Variants in EEFSEC observed in about 807,000 individuals in gnomAD.
EEFSEC encodes selenocysteine-specific elongation factor.
In EEFSEC, 43 loss-of-function variants were observed where a neutral mutation model predicts 42.1. That is an observed-to-expected ratio of 1.02 (90% CI 0.80 to 1.32). The LOEUF is 1.32. EEFSEC is among the 40% of genes most tolerant of loss of function. The pLI is 0.00. For synonymous variants in EEFSEC, 354 were observed against 339.1 expected (o/e 1.04, Z -0.48); for missense variants, 745 against 803.6 (o/e 0.93, Z 0.88).
At chr3:128,364,827 C>T (rs2067569828) in intron 6 of EEFSEC, among the ~76,000 whole-genome samples, 1 of 152,262 alleles carries the variant, frequency 6.6e-6, no homozygotes, top group Non-Finnish European at 1.5e-5. Flanking sequence ...TAGCCCTCCA[C>T]AGCCTGCATG....
intron 5 of EEFSEC, among the ~76,000 whole-genome samples, chr3:128,351,356 TATC>T (rs1423483701): frequency 2.0e-5 from 3 of 152,234 alleles, no homozygotes; most frequent in South Asian, 2.1e-4. Flanking sequence ...TCTTAGGTGT[TATC>T]ATCAACATCA....
At chr3:128,300,322 G>T (rs192571464) in intron 4 of EEFSEC, among the ~76,000 whole-genome samples, 31 of 152,292 alleles carry the variant, frequency 2.0e-4, no homozygotes, top group Admixed American at 1.5e-3. Context: ...AGCCAATGCG[G>T]GCCAGGCGAG....
At chr3:128,360,013 C>T (rs1269652168) in intron 6 of EEFSEC, among the ~76,000 whole-genome samples, 1 of 152,238 alleles carries the variant, frequency 6.6e-6, no homozygotes, top group African/African-American at 2.4e-5. Context: ...GCAATGGTCA[C>T]AGAGGCATTG....
At chr3:128,354,018 C>T (rs1277526387) in intron 5 of EEFSEC, among the ~76,000 whole-genome samples, 1 of 152,122 alleles carries the variant, frequency 6.6e-6, no homozygotes, top group East Asian at 1.9e-4. Context: ...CCTCCCCTCC[C>T]CTGGGGCAGC....
At chr3:128,201,196 T>TA (rs1044235372) in intron 1 of EEFSEC, among the ~76,000 whole-genome samples, 3 of 152,128 alleles carry the variant, frequency 2.0e-5, no homozygotes, top group Admixed American at 6.5e-5. Flanking sequence ...ACTACCATAA[T>TA]AAAAAAAGTG....
rs1045782166 is a variant in EEFSEC at position 128,177,247 on chromosome 3, T to TA, written c.316+23431dup. 1.1e-4 allele frequency among the ~76,000 whole-genome samples: 17 copies of TA among 152,048 alleles called. No individual in the cohort carries two copies. In the South Asian group the frequency reaches 1.7e-3, roughly 15 times the overall value. ...TTGATTCCTTATCTTAAAACCAAGA[T>TA]AAAAAAAGCCTTAATAGCTTAATAT... On this transcript the variant is annotated intron_variant, in intron 1 of 6. Transcript: ENST00000254730.
At chr3:128,288,551 A>C (rs2066610237) in intron 4 of EEFSEC, among the ~76,000 whole-genome samples, 1 of 152,194 alleles carries the variant, frequency 6.6e-6, no homozygotes, top group African/African-American at 2.4e-5. Flanking sequence ...CTTGTTGAAC[A>C]AATGTGCACC....
chr3:128,191,435 G>A (rs116287485), intron 1 of EEFSEC, among the ~76,000 whole-genome samples: 1,701 of 152,064 alleles, frequency 0.011, 23 homozygotes, highest in African/African-American at 0.039. Context: ...TCAGCTCACT[G>A]TGCCTGGCCT....
chr3:128,380,248 G>A (rs1397407823), intron 6 of EEFSEC, among the ~76,000 whole-genome samples: 1 of 152,176 alleles, frequency 6.6e-6, no homozygotes, highest in Non-Finnish European at 1.5e-5. Flanking sequence ...CACACCTGAG[G>A]CTTTTATATC....
In EEFSEC at chr3:128,167,648, G is replaced by A. The variant is rs138010727; in HGVS notation, c.316+13825G>A. ...CACAGAGGGTCAGCACACTAATGCC[G>A]GGAACACGGCGACCTCAGTGCAGCT... On this transcript the variant is annotated intron_variant, in intron 1 of 6. Coordinates refer to ENST00000254730, the MANE Select transcript of EEFSEC (RefSeq NM_021937.5). Among the ~76,000 whole-genome samples, 15 of 152,308 alleles carry A rather than the reference G, an allele frequency of 9.8e-5. No homozygotes were observed. The East Asian group carries it at 1.4e-3, about 14-fold the overall frequency.
intron 1 of EEFSEC, among the ~76,000 whole-genome samples, chr3:128,235,209 T>G (rs2065995705): frequency 2.7e-5 from 4 of 150,516 alleles, no homozygotes; most frequent in Admixed American, 6.7e-5. Context: ...GGACCACAGG[T>G]GCACACCACC....
chr3:128,276,914 C>A (rs181894636), intron 4 of EEFSEC, among the ~76,000 whole-genome samples: 1 of 152,174 alleles, frequency 6.6e-6, no homozygotes, highest in African/African-American at 2.4e-5. Flanking sequence ...GAAGGGGAGA[C>A]GCTGTGGGAC....
intron 1 of EEFSEC, among the ~76,000 whole-genome samples, chr3:128,209,538 C>T (rs757422998): frequency 5.9e-5 from 9 of 152,204 alleles, no homozygotes; most frequent in Admixed American, 1.3e-4. Context: ...ATCTTCACAT[C>T]TCTCTTACAG....
rs904813883 is a variant in EEFSEC, at chr3:128,363,703, C to G, written c.1600+5330C>G. Among the ~76,000 whole-genome samples the G allele has an allele frequency of 5.3e-5, 8 of 152,136 alleles. No homozygotes were observed. In the East Asian group the frequency reaches 1.5e-3, roughly 29 times the overall value. Reference sequence around the variant, plus strand: ...ACTCTGAATTATGCCCATCAGTGTGCCATGCAGAAGGGGATGGATTTACAT... The same window carrying G: ...ACTCTGAATTATGCCCATCAGTGTGGCATGCAGAAGGGGATGGATTTACAT... On this transcript the variant is annotated intron_variant, in intron 6 of 6. Coordinates refer to ENST00000254730, the MANE Select transcript of EEFSEC (RefSeq NM_021937.5).
At chr3:128,360,866 TG>T (rs1161664482) in intron 6 of EEFSEC, among the ~76,000 whole-genome samples, 1 of 152,128 alleles carries the variant, frequency 6.6e-6, no homozygotes, top group Admixed American at 6.5e-5. Flanking sequence ...TAAATATCAC[TG>T]GTCAGATTCC....
chr3:128,228,824 G>A (rs116027470), intron 1 of EEFSEC, among the ~76,000 whole-genome samples: 1 of 152,314 alleles, frequency 6.6e-6, no homozygotes, highest in African/African-American at 2.4e-5. Flanking sequence ...ATGAGCTGAT[G>A]TATGCAATGC....
chr3:128,234,507 C>G (rs2065988889), intron 1 of EEFSEC, among the ~76,000 whole-genome samples: 1 of 152,200 alleles, frequency 6.6e-6, no homozygotes. Flanking sequence ...TACAGCCAGA[C>G]AGAGACTTAG....
chr3:128,164,073 T>C (rs969984892), intron 1 of EEFSEC, among the ~76,000 whole-genome samples: 1 of 152,178 alleles, frequency 6.6e-6, no homozygotes, highest in African/African-American at 2.4e-5. Context: ...CCTCTTTCTG[T>C]GATGTGCCTG....
rs869215030 is a variant in EEFSEC at position 128,229,948 on chromosome 3, GTTTCC to G, written c.317-16874_317-16870del. Among the ~76,000 whole-genome samples, 3 of 151,994 alleles carry G rather than the reference GTTTCC, an allele frequency of 2.0e-5. No homozygotes were observed. The East Asian group carries it at 5.8e-4, about 29-fold the overall frequency. On this transcript the variant is annotated intron_variant, in intron 1 of 6. Coordinates refer to ENST00000254730, the MANE Select transcript of EEFSEC (RefSeq NM_021937.5). The stretch of plus-strand genomic sequence containing the variant: ...GTGAGGTGCCCACCAGCCCTGGAGG[GTTTCC>G]TTTCCTTTCCTTTTCCTTTCCTTTT...
Sources: gnomAD v4.1 joint callset for allele counts (sites outside exome capture counted in the v4.1 genomes callset) on GRCh38, gnomAD v4.1.1 for gene constraint, MANE v1.5 for transcripts, NCBI Gene and HGNC (gene_info 2026-07-23, HGNC 2026-07-21) for gene names.